The following DTNA variants were observed in gnomAD, a reference collection of about 807,000 sequenced individuals.
The protein encoded by DTNA is dystrobrevin alpha.
Under a neutral mutation model 100.7 loss-of-function variants are expected in DTNA, and 43 were observed. That is an observed-to-expected ratio of 0.43 (90% confidence interval 0.33 to 0.55). The LOEUF (loss-of-function observed/expected upper bound fraction) is 0.55, where lower values mean the gene tolerates loss of function less well. DTNA is among the 20% of genes least tolerant of loss of function. The pLI is 0.04. For missense variants in DTNA, 798 were observed against 953.9 expected, an observed-to-expected ratio of 0.84 and a Z score of 2.15; for synonymous variants, 349 against 347.9, an observed-to-expected ratio of 1.00 and a Z score of -0.04.
chr18:34,609,814 G>A (rs1387445353), intron 1 of DTNA, among the ~76,000 whole-genome samples: 1 of 152,022 alleles, frequency 6.6e-6, no homozygotes. Context: ...ACATTACTTT[G>A]CACTGTCTTG....
intron 11 of DTNA, among the ~76,000 whole-genome samples, chr18:34,833,648 T>C (rs1224047630): frequency 6.6e-6 from 1 of 152,156 alleles, no homozygotes; most frequent in African/African-American, 2.4e-5. Context: ...AGTGATAATA[T>C]GTATGTGAAA....
intron 1 of DTNA, among the ~76,000 whole-genome samples, chr18:34,622,509 G>T (rs1285928785): frequency 6.6e-6 from 1 of 152,172 alleles, no homozygotes; most frequent in African/African-American, 2.4e-5. Context: ...TTATTTTGGG[G>T]TGTGCCTGTG....
At chr18:34,561,249 C>T (rs542804619) in intron 1 of DTNA, among the ~76,000 whole-genome samples, 401 of 152,104 alleles carry the variant, frequency 2.6e-3, no homozygotes, top group Non-Finnish European at 4.1e-3. Context: ...AATAGGTTCC[C>T]CTAAAAATAC....
chr18:34,808,358 T>C (rs1042034335), intron 5 of DTNA, among the ~76,000 whole-genome samples: 3 of 152,158 alleles, frequency 2.0e-5, no homozygotes, highest in African/African-American at 7.2e-5. Context: ...AGGAGTCACA[T>C]CTCACTACAG....
chr18:34,830,690 TGTGTGCAC>T (rs1339967869), intron 11 of DTNA, among the ~76,000 whole-genome samples: 5 of 152,356 alleles, frequency 3.3e-5, no homozygotes, highest in East Asian at 1.9e-4. Context: ...TGTCTATGTG[TGTGTGCAC>T]GTGTGCACAT....
chr18:34,792,287 A>G (rs1218321427), intron 3 of DTNA, among the ~76,000 whole-genome samples: 1 of 152,200 alleles, frequency 6.6e-6, no homozygotes, highest in East Asian at 1.9e-4. Flanking sequence ...AGTTAAACCT[A>G]GCCTGGGAAA....
At chr18:34,848,577 C>A (rs1011099489) in intron 14 of DTNA, among the ~76,000 whole-genome samples, 194 bp downstream of exon 14, 2 of 151,992 alleles carry the variant, frequency 1.3e-5, no homozygotes, top group African/African-American at 4.8e-5. Flanking sequence ...ACTTGAGGAA[C>A]AAAACCATCC....
chr18:34,850,869 T>A (rs567144575), intron 14 of DTNA, among the ~76,000 whole-genome samples: 179 of 152,260 alleles, frequency 1.2e-3, no homozygotes, highest in African/African-American at 4.1e-3. Flanking sequence ...TATGTTTATA[T>A]GAGAATGGAG....
intron 1 of DTNA, among the ~76,000 whole-genome samples, chr18:34,565,665 T>C (rs937942533): frequency 1.3e-5 from 2 of 152,198 alleles, no homozygotes; most frequent in African/African-American, 4.8e-5. Context: ...TGACTTTCTT[T>C]GTGTCTCTCT....
At chr18:34,674,722 T>C (rs927967176) in intron 1 of DTNA, among the ~76,000 whole-genome samples, 1 of 152,256 alleles carries the variant, frequency 6.6e-6, no homozygotes, top group African/African-American at 2.4e-5. Context: ...AATCATTTAT[T>C]CAAACAAGCA....
At chr18:34,829,097 T>C (rs1313334164) in intron 10 of DTNA, 9 of 1,614,128 alleles carry the variant, frequency 5.6e-6, no homozygotes, top group East Asian at 2.2e-5. Context: ...TCTTCTACCC[T>C]AAAATATTCC....
At chr18:34,859,656 A>G (rs931250390) in intron 16 of DTNA, among the ~76,000 whole-genome samples, 1 of 152,208 alleles carries the variant, frequency 6.6e-6, no homozygotes, top group Admixed American at 6.5e-5. Context: ...TTGGGTGTGG[A>G]AAGGCGAGGT....
At position 34,543,580 on chromosome 18, in the gene DTNA, C is replaced by T. The variant is rs118110766; in HGVS notation, c.-2+50066C>T. ...TCATCCAAAAGGAAAACTGAGAATA[C>T]TGCCTGTTGCCCCATGCTGTAGCTA... is the stretch of plus-strand genomic sequence containing the variant. On this transcript the variant is annotated intron_variant, in intron 1 of 19. Coordinates refer to the DTNA transcript ENST00000283365. Among the ~76,000 whole-genome samples the T allele has an allele frequency of 9.9e-5, 15 of 152,168 alleles. No individual in the cohort carries two copies. In the East Asian group the frequency reaches 2.1e-3, roughly 22 times the overall value.
Position 34,793,916 on chromosome 18 carries a change from C to A in DTNA, c.149-121C>A, listed in dbSNP as rs1277533020. On this transcript the variant is annotated intron_variant, in intron 3 of 22. Transcript: ENST00000444659. Reference sequence around the variant, plus strand: ...CCTATGTTCATTTACTTATGTTGACCCCCTGCAACAGCTGCACACATGTGA... The same window carrying A: ...CCTATGTTCATTTACTTATGTTGACACCCTGCAACAGCTGCACACATGTGA... 1.0e-5 allele frequency: 10 copies of A among 976,078 alleles called. No individual in the cohort carries two copies. In the African/African-American group the frequency reaches 1.1e-4, roughly 11 times the overall value. 60.5% of individuals were successfully genotyped at this position (976,078 alleles called of 1,614,324 possible).
rs1363967527 is a variant in DTNA at position 34,862,345 on chromosome 18, C to A, written c.1647-1621C>A. On this transcript the variant is annotated intron_variant, in intron 16 of 22. Coordinates refer to ENST00000444659, the MANE Select transcript of DTNA (RefSeq NM_001386795.1). ...AAGGAAATTGAAAGAAAGATTGCTTCAAGAGTAAGCAGTCCTTACTCTTGT... is the reference window on the plus strand; with the variant it reads ...AAGGAAATTGAAAGAAAGATTGCTTAAAGAGTAAGCAGTCCTTACTCTTGT... Among the ~76,000 whole-genome samples, 4 of 151,504 alleles carry A rather than the reference C, an allele frequency of 2.6e-5. No homozygotes were observed. In the East Asian group the frequency reaches 5.8e-4, roughly 22 times the overall value.
intron 1 of DTNA, among the ~76,000 whole-genome samples, chr18:34,575,107 T>C (rs2047989318): frequency 1.3e-5 from 2 of 152,182 alleles, no homozygotes; most frequent in Admixed American, 1.3e-4. Flanking sequence ...ACATTTCTTC[T>C]CTCTTTCTAG....
intron 1 of DTNA, among the ~76,000 whole-genome samples, chr18:34,659,259 A>G (rs2074827210): frequency 1.3e-5 from 2 of 152,234 alleles, no homozygotes; most frequent in South Asian, 4.1e-4. Context: ...ATTAATCTAA[A>G]TATATTTTAC....
intron 17 of DTNA, chr18:34,868,709 T>C: frequency 2.0e-6 from 2 of 985,316 alleles, no homozygotes; most frequent in Non-Finnish European, 2.4e-6. Context: ...TGCATGAATT[T>C]ATCCCTCTCG....
At chr18:34,500,529 T>A (rs2039788439) in intron 1 of DTNA, among the ~76,000 whole-genome samples, 1 of 151,500 alleles carries the variant, frequency 6.6e-6, no homozygotes, top group Admixed American at 6.6e-5. Context: ...AATAGCACGA[T>A]CTATGCCCAC....
Sources: gnomAD v4.1 joint callset for allele counts (sites outside exome capture counted in the v4.1 genomes callset) on GRCh38, gnomAD v4.1.1 for gene constraint, MANE v1.5 for transcripts, NCBI Gene and HGNC (gene_info 2026-07-23, HGNC 2026-07-21) for gene names.